MYO16: variants seen among roughly 807,000 people sequenced by gnomAD.
MYO16 encodes unconventional myosin-XVI.
In MYO16, 94 loss-of-function variants were observed where a neutral mutation model predicts 205.3. That is an observed-to-expected ratio of 0.46 (90% CI 0.39 to 0.54). The LOEUF (loss-of-function observed/expected upper bound fraction) is 0.54. Ranked by LOEUF, MYO16 falls within the 20% of genes least tolerant of loss-of-function variation. The pLI, the probability that MYO16 is intolerant of heterozygous loss-of-function variation, is 0.00. For synonymous variants in MYO16, 988 were observed against 954.0 expected, an observed-to-expected ratio of 1.04 and a Z score of -0.66; for missense variants, 2,315 against 2,387.5, an observed-to-expected ratio of 0.97 and a Z score of 0.63.
At chr13:108,674,793 C>G (rs1344042822) in intron 2 of MYO16, among the ~76,000 whole-genome samples, 1 of 152,116 alleles carries the variant, frequency 6.6e-6, no homozygotes. Context: ...AGACTCTCCC[C>G]AAAAGAGTCA....
At chr13:108,821,414 C>T (rs191832437) in intron 8 of MYO16, among the ~76,000 whole-genome samples, 1 of 152,142 alleles carries the variant, frequency 6.6e-6, no homozygotes. Context: ...GAGAATCAAG[C>T]TAATATTACT....
intron 3 of MYO16, among the ~76,000 whole-genome samples, chr13:108,715,684 A>G (rs1190169804): frequency 1.3e-5 from 2 of 152,192 alleles, no homozygotes; most frequent in Non-Finnish European, 2.9e-5. Flanking sequence ...AGACAGAAAA[A>G]TAAACCACTG....
chr13:108,548,216 ATGGTGGTGGTGGTGGTGG>A, the MYO16 span, among the ~76,000 whole-genome samples: 3 of 144,944 alleles, frequency 2.1e-5, no homozygotes, highest in Non-Finnish European at 4.6e-5. Context: ...AATGATGATG[ATGGTGGTGGTGGTGGTGG>A]TGGTGGTGGT....
chr13:109,105,360 T>C (rs760422428), intron 28 of MYO16, among the ~76,000 whole-genome samples: 4 of 152,186 alleles, frequency 2.6e-5, no homozygotes, highest in South Asian at 2.1e-4. Flanking sequence ...TAATTCCAGC[T>C]ACTTGGTAGG....
At chr13:108,674,177 G>T (rs1337013061) in intron 2 of MYO16, among the ~76,000 whole-genome samples, 1 of 152,068 alleles carries the variant, frequency 6.6e-6, no homozygotes, top group Admixed American at 6.6e-5. Flanking sequence ...AAAAGTGTAG[G>T]CTGAGGTCAA....
chr13:108,882,211 A>C (rs1485455581), intron 12 of MYO16, among the ~76,000 whole-genome samples: 2 of 152,238 alleles, frequency 1.3e-5, no homozygotes, highest in Non-Finnish European at 2.9e-5. Context: ...TACAGTCATC[A>C]AAATGGGAAA....
At chr13:109,025,959 C>CT in intron 23 of MYO16, among the ~76,000 whole-genome samples, 1 of 152,270 alleles carries the variant, frequency 6.6e-6, no homozygotes, top group African/African-American at 2.4e-5. Flanking sequence ...CTCATAGGAT[C>CT]TTTGTCTGAA....
chr13:108,995,178 G>A (rs1232168136), intron 21 of MYO16, among the ~76,000 whole-genome samples: 1 of 152,154 alleles, frequency 6.6e-6, no homozygotes, highest in Non-Finnish European at 1.5e-5. Context: ...AGATCAAGAT[G>A]GCAGTGGACT....
intron 4 of MYO16, among the ~76,000 whole-genome samples, chr13:108,781,798 T>G (rs1401400727): frequency 2.0e-5 from 3 of 152,256 alleles, no homozygotes; most frequent in African/African-American, 4.8e-5. Flanking sequence ...GGTCTCATGA[T>G]AGTGAAGAAG....
At chr13:109,076,418 T>G (rs7990350) in intron 27 of MYO16, among the ~76,000 whole-genome samples, 7 of 152,100 alleles carry the variant, frequency 4.6e-5, no homozygotes, top group African/African-American at 1.7e-4. Flanking sequence ...CAACACAGAG[T>G]TGATGGTGTG....
At chr13:108,551,436 A>T in the MYO16 span, among the ~76,000 whole-genome samples, 4 of 152,118 alleles carry the variant, frequency 2.6e-5, no homozygotes, top group South Asian at 4.1e-4. Flanking sequence ...CATTACCTTG[A>T]CTTGTCCATT....
intron 34 of MYO16, among the ~76,000 whole-genome samples, chr13:109,189,888 G>A (rs142360372): frequency 7.2e-4 from 108 of 149,970 alleles, no homozygotes; most frequent in African/African-American, 2.6e-3. Flanking sequence ...CATTCTCTAC[G>A]TTTTGATTCC....
chr13:109,205,309 C>G (rs1272312083), intron 34 of MYO16, among the ~76,000 whole-genome samples: 1 of 152,160 alleles, frequency 6.6e-6, no homozygotes, highest in Non-Finnish European at 1.5e-5. Context: ...CTTTAAAATC[C>G]TCTTTCTGGG....
the MYO16 span, among the ~76,000 whole-genome samples, chr13:108,500,221 G>C: frequency 1.7e-4 from 3 of 17,408 alleles, no homozygotes; most frequent in African/African-American, 2.3e-4. Flanking sequence ...TTTTTTTTTT[G>C]TTTTTTTTTT....
chr13:108,587,861 C>T, the MYO16 span, among the ~76,000 whole-genome samples: 1 of 151,904 alleles, frequency 6.6e-6, no homozygotes, highest in African/African-American at 2.4e-5. Context: ...TGAGCAGAAG[C>T]TATCATCTGG....
the MYO16 span, among the ~76,000 whole-genome samples, chr13:108,528,669 C>G: frequency 9.7e-6 from 1 of 103,498 alleles, no homozygotes; most frequent in African/African-American, 3.8e-5. Flanking sequence ...CTTCCCTCCC[C>G]TCTCCTCTCC....
At chr13:109,171,984 C>A (rs1878941538) in intron 33 of MYO16, among the ~76,000 whole-genome samples, 2 of 152,174 alleles carry the variant, frequency 1.3e-5, no homozygotes, top group Non-Finnish European at 2.9e-5. Context: ...TGGGGGCCAT[C>A]ATTTGCAGGA....
intron 10 of MYO16, among the ~76,000 whole-genome samples, chr13:108,852,391 C>T (rs1376469113): frequency 6.6e-6 from 1 of 152,154 alleles, no homozygotes; most frequent in Non-Finnish European, 1.5e-5. Context: ...GCCTGTTCCC[C>T]AGTGGTTATC....
chr13:109,199,707 C>G (rs1054543375), intron 34 of MYO16, among the ~76,000 whole-genome samples: 1 of 152,152 alleles, frequency 6.6e-6, no homozygotes, highest in Non-Finnish European at 1.5e-5. Flanking sequence ...TCCCCAGAGG[C>G]AGTTTTTCTC....
Sources: gnomAD v4.1 joint callset for allele counts (sites outside exome capture counted in the v4.1 genomes callset) on GRCh38, gnomAD v4.1.1 for gene constraint, MANE v1.5 for transcripts, NCBI Gene and HGNC (gene_info 2026-07-23, HGNC 2026-07-21) for gene names.